MAP3K5: variants seen among roughly 807,000 people sequenced by gnomAD.
The protein encoded by MAP3K5 is mitogen-activated protein kinase kinase kinase 5, also known as ASK-1.
A neutral mutation model predicts 158.7 loss-of-function variants in MAP3K5; 56 were observed. The observed-to-expected ratio is 0.35, with a 90% CI of 0.28 to 0.44. The LOEUF (loss-of-function observed/expected upper bound fraction) is 0.44, where lower values mean the gene tolerates loss of function less well. Among genes scored for constraint, MAP3K5 ranks in the 20% least tolerant of loss-of-function variants. The pLI, the probability that MAP3K5 is intolerant of heterozygous loss-of-function variation, is 1.00. For synonymous variants in MAP3K5, 579 were observed against 601.7 expected, an observed-to-expected ratio of 0.96 and a Z score of 0.55; for missense variants, 1,294 against 1,674.8, an observed-to-expected ratio of 0.77 and a Z score of 3.97.
At chr6:136,637,176 A>G in intron 14 of MAP3K5, 149 bp downstream of exon 14, 2 of 1,329,532 alleles carry the variant, frequency 1.5e-6, no homozygotes, top group Non-Finnish European at 1.0e-6. Flanking sequence ...CCTTTTTACC[A>G]AAGGAATTCT....
chr6:136,732,178 A>C (rs1193645276), intron 1 of MAP3K5, among the ~76,000 whole-genome samples: 1 of 152,126 alleles, frequency 6.6e-6, no homozygotes, highest in Non-Finnish European at 1.5e-5. Context: ...TAATCCCAGC[A>C]CTTTGGGAGG....
intron 14 of MAP3K5, among the ~76,000 whole-genome samples, chr6:136,628,924 T>C (rs1777175044): frequency 6.6e-6 from 1 of 152,234 alleles, no homozygotes; most frequent in South Asian, 2.1e-4. Context: ...GAGAATCATC[T>C]ATGTAATGTC....
At chr6:136,791,594 C>T (rs2115082942) in intron 1 of MAP3K5, 116 bp downstream of exon 1, 1 of 1,165,242 alleles carries the variant, frequency 8.6e-7, no homozygotes, top group South Asian at 1.4e-5. Context: ...GCTCGCTGCC[C>T]CCAAAGTGGG....
chr6:136,667,360 A>G (rs925600744), intron 8 of MAP3K5, among the ~76,000 whole-genome samples: 4 of 152,212 alleles, frequency 2.6e-5, no homozygotes, highest in African/African-American at 7.2e-5. Context: ...AAATTTTATT[A>G]TAATCATAAT....
intron 2 of MAP3K5, among the ~76,000 whole-genome samples, chr6:136,706,056 G>A (rs1781063918): frequency 6.6e-6 from 1 of 152,094 alleles, no homozygotes; most frequent in African/African-American, 2.4e-5. Context: ...TCATGAGCTC[G>A]AGACCAGCCT....
chr6:136,781,888 G>T (rs1044237881), intron 1 of MAP3K5, among the ~76,000 whole-genome samples: 2 of 152,094 alleles, frequency 1.3e-5, no homozygotes, highest in African/African-American at 4.8e-5. Context: ...TTGTCACAAT[G>T]ACCATATTAC....
rs1250588366 is a variant in MAP3K5, at chr6:136,674,755, A to T, written c.1254-5360T>A. Among the ~76,000 whole-genome samples, 7 of 152,114 alleles carry T rather than the reference A, an allele frequency of 4.6e-5. No homozygotes were observed. The East Asian group carries it at 9.6e-4, about 21-fold the overall frequency. On this transcript the variant is annotated intron_variant, in intron 7 of 29. Coordinates refer to ENST00000359015, the MANE Select transcript of MAP3K5 (RefSeq NM_005923.4). ...CAAGTTGAGTAACCCTAATAAAAAA[A>T]TCTGAAATCTAAAATGCTCCAAAAT...
rs752082356 is a variant in MAP3K5 at position 136,592,511 on chromosome 6, GTCCACTTTCAAC to G, written c.2970_2981del (p.Glu990_Val993del). ...TGGCTCTTGTTTTGAAAGAGAAGGG[GTCCACTTTCAAC>G]TCCGTGTCGGGTGAAACTGAGCCGT... On this transcript the variant is annotated inframe_deletion, in exon 22 of 30. Transcript: ENST00000359015. 1.9e-6 allele frequency: 3 copies of G among 1,613,832 alleles called. No individual in the cohort carries two copies. Among genetic ancestry groups the G allele is most frequent in the Non-Finnish European group, 2.5e-6 (3 of 1,179,946 alleles).
intron 8 of MAP3K5, among the ~76,000 whole-genome samples, chr6:136,662,660 CATAGG>C (rs1337594354): frequency 6.6e-6 from 1 of 151,736 alleles, no homozygotes; most frequent in Non-Finnish European, 1.5e-5. Context: ...GGATTTTTTC[CATAGG>C]ATAGAATTTC....
intron 23 of MAP3K5, among the ~76,000 whole-genome samples, 156 bp downstream of exon 23, chr6:136,592,017 T>C (rs9494541): frequency 0.035 from 5,297 of 152,336 alleles, 299 homozygotes; most frequent in African/African-American, 0.12. Context: ...TTCCCTACCA[T>C]AGGGTTTGCC....
chr6:136,784,103 G>C (rs944440596), intron 1 of MAP3K5, among the ~76,000 whole-genome samples: 2 of 152,222 alleles, frequency 1.3e-5, no homozygotes, highest in African/African-American at 4.8e-5. Context: ...AGACAAGCCT[G>C]TGTTATGCGC....
At chr6:136,650,574 A>G (rs1778475008) in intron 11 of MAP3K5, among the ~76,000 whole-genome samples, 1 of 152,254 alleles carries the variant, frequency 6.6e-6, no homozygotes, top group African/African-American at 2.4e-5. Context: ...AGATGTAATG[A>G]TAACTATAAT....
intron 14 of MAP3K5, among the ~76,000 whole-genome samples, chr6:136,630,911 G>A (rs1446376117): frequency 6.6e-6 from 1 of 152,072 alleles, no homozygotes; most frequent in Non-Finnish European, 1.5e-5. Context: ...AGCAGCTTAG[G>A]CAACATGGTG....
At chr6:136,723,858 A>T (rs907144453) in intron 1 of MAP3K5, among the ~76,000 whole-genome samples, 19 of 152,304 alleles carry the variant, frequency 1.2e-4, no homozygotes, top group African/African-American at 4.1e-4. Context: ...AAAATGACTT[A>T]AGGGCTCTTT....
At chr6:136,659,594 T>C (rs1238343907) in intron 8 of MAP3K5, among the ~76,000 whole-genome samples, 1 of 152,192 alleles carries the variant, frequency 6.6e-6, no homozygotes, top group Non-Finnish European at 1.5e-5. Flanking sequence ...TTGGAAAACA[T>C]GCTAAATTAA....
chr6:136,560,684 A>C (rs914842219), intron 28 of MAP3K5, among the ~76,000 whole-genome samples: 2 of 152,164 alleles, frequency 1.3e-5, no homozygotes, highest in Non-Finnish European at 2.9e-5. Flanking sequence ...GTGGTGGTTC[A>C]TGCCTGTAGC....
chr6:136,715,207 G>A (rs780174971), intron 2 of MAP3K5, among the ~76,000 whole-genome samples: 6 of 152,076 alleles, frequency 3.9e-5, no homozygotes, highest in African/African-American at 7.2e-5. Context: ...AGTGCAGAAA[G>A]GGAAATATCC....
intron 29 of MAP3K5, 80 bp downstream of exon 29, chr6:136,558,720 C>G: frequency 1.1e-6 from 1 of 898,738 alleles, no homozygotes; most frequent in Non-Finnish European, 1.8e-6. Context: ...TAATTAGAGA[C>G]CCAGCCTGGG....
At chr6:136,708,241 T>G (rs1376726220) in intron 2 of MAP3K5, among the ~76,000 whole-genome samples, 1 of 152,026 alleles carries the variant, frequency 6.6e-6, no homozygotes, top group East Asian at 1.9e-4. Flanking sequence ...TTGATGATGT[T>G]ACTTAGTATT....
Sources: allele counts gnomAD v4.1 joint callset (sites outside exome capture counted in the v4.1 genomes callset), GRCh38; gene constraint gnomAD v4.1.1; transcripts MANE v1.5; gene names NCBI Gene and HGNC (gene_info 2026-07-23, HGNC 2026-07-21).